The following DAPK2 variants were observed in gnomAD, a reference collection of about 807,000 sequenced individuals.
DAPK2 encodes the protein death associated protein kinase 2, also known as death-associated protein kinase 2.
DAPK2 carries 35 observed loss-of-function variants against 44.1 expected under a neutral mutation model. The observed-to-expected ratio is 0.79, with a 90% CI of 0.61 to 1.05. The LOEUF (loss-of-function observed/expected upper bound fraction) is 1.05. Among genes scored for constraint, DAPK2 ranks in the 50% least tolerant of loss-of-function variants. The pLI is 0.00. For synonymous variants in DAPK2, 174 were observed against 182.6 expected, an observed-to-expected ratio of 0.95 and a Z score of 0.38; for missense variants, 453 against 483.2, an observed-to-expected ratio of 0.94 and a Z score of 0.59.
At chr15:63,985,314 G>C (rs2078639113) in intron 1 of DAPK2, among the ~76,000 whole-genome samples, 1 of 152,268 alleles carries the variant, frequency 6.6e-6, no homozygotes, top group South Asian at 2.1e-4. Context: ...GACGCAGGTG[G>C]AGTGGAGCCA....
chr15:64,006,876 T>G (rs745731036), intron 1 of DAPK2, among the ~76,000 whole-genome samples: 65 of 151,984 alleles, frequency 4.3e-4, no homozygotes, highest in Non-Finnish European at 8.8e-4. Context: ...ATCTAGCAGG[T>G]AGCCAAGAAG....
At chr15:64,042,985 C>T (rs1372399732), upstream of DAPK2, among the ~76,000 whole-genome samples, 1 of 152,222 alleles carries the variant, frequency 6.6e-6, no homozygotes, top group African/African-American at 2.4e-5. This position sits in a 1 kb window ranked among gnomAD's most constrained non-coding sequence, Gnocchi z 4.7. Context: ...CATATTCTGG[C>T]TTATGTTTAT....
rs190645329 is a variant in DAPK2, at chr15:63,958,734, C to A, written c.453+12689G>T. ...CTATATGTCTGTTTTGGTACCAGTA[C>A]CATGCTGTTTTGGTTACTGTAGCAT... is the stretch of plus-strand genomic sequence containing the variant. On this transcript the variant is annotated intron_variant, in intron 3 of 10. Coordinates refer to ENST00000261891, the Ensembl canonical transcript of DAPK2. 5.7e-3 allele frequency among the ~76,000 whole-genome samples: 868 copies of A among 152,278 alleles called. 8 individuals carry two copies. The highest frequency in any genetic ancestry group is 0.019 in the African/African-American group (802 of 41,546).
intron 8 of DAPK2, chr15:63,920,572 T>C (rs1306176002): frequency 1.3e-5 from 2 of 152,192 alleles, no homozygotes; most frequent in African/African-American, 2.4e-5. Context: ...ATATTGTATA[T>C]GATATTTGAA....
At chr15:63,932,165 T>TAAA (rs386383265) in intron 4 of DAPK2, among the ~76,000 whole-genome samples, 2 of 137,054 alleles carry the variant, frequency 1.5e-5, no homozygotes, top group South Asian at 2.3e-4. Context: ...AGACCCTGTT[T>TAAA]AAAAAAAAAA....
chr15:64,014,109 C>T (rs1371533817), intron 1 of DAPK2, among the ~76,000 whole-genome samples: 1 of 152,214 alleles, frequency 6.6e-6, no homozygotes, highest in Non-Finnish European at 1.5e-5. Context: ...CCACGGAGAA[C>T]CTGATCCTTG....
At chr15:63,938,207 C>T (rs777560787) in intron 4 of DAPK2, among the ~76,000 whole-genome samples, 5 of 152,200 alleles carry the variant, frequency 3.3e-5, no homozygotes, top group Non-Finnish European at 2.9e-5. Context: ...ATGGGAAGAG[C>T]ACAGGCTTTG....
Position 64,022,962 on chromosome 15 carries a change from T to C in DAPK2, c.92+17208A>G, listed in dbSNP as rs143738905. On this transcript the variant is annotated intron_variant, in intron 1 of 10. Coordinates refer to ENST00000261891, the Ensembl canonical transcript of DAPK2. ...AGAAATGACTCTTTCCAAACTCCCT[T>C]AGGGTATCTCTGCCAGAAATTTTCT... 4.3e-3 allele frequency among the ~76,000 whole-genome samples: 661 copies of C among 152,252 alleles called. 9 individuals are homozygous for C. Among genetic ancestry groups the C allele is most frequent in the African/African-American group, 0.015 (620 of 41,538 alleles).
chr15:63,937,920 C>T (rs1396334582), intron 4 of DAPK2, among the ~76,000 whole-genome samples: 1 of 152,166 alleles, frequency 6.6e-6, no homozygotes, highest in African/African-American at 2.4e-5. Flanking sequence ...GCTCTGCCAC[C>T]AACTTGTGAC....
rs2078947329 is a variant in DAPK2 at position 63,917,094 on chromosome 15, GGC to G, written c.859-4899_859-4898del. ...AAAGAAAGTCCTGGCTGGGTGCGGTGGCTCATGCCTGTAATCTCAGCACTTCG... is the reference window on the plus strand; with the variant it reads ...AAAGAAAGTCCTGGCTGGGTGCGGTGTCATGCCTGTAATCTCAGCACTTCG... On this transcript the variant is annotated intron_variant, in intron 8 of 10. Transcript: ENST00000261891. The surrounding 1 kb of genome is among the most constrained non-coding windows in gnomAD (Gnocchi z 4.4). 2 of 152,272 alleles carry G rather than the reference GGC, an allele frequency of 1.3e-5. No individual in the cohort carries two copies. Among genetic ancestry groups the G allele is most frequent in the African/African-American group, 4.8e-5 (2 of 41,456 alleles). 9.4% of individuals were successfully genotyped at this position (152,272 alleles called of 1,614,324 possible). A position where few individuals can be genotyped will look rare whatever the true frequency, so the allele number is the denominator to read the frequency against.
intron 3 of DAPK2, among the ~76,000 whole-genome samples, chr15:63,954,112 T>C (rs2077660598): frequency 6.6e-6 from 1 of 152,236 alleles, no homozygotes; most frequent in Non-Finnish European, 1.5e-5. Flanking sequence ...GGGTTGTCTC[T>C]ACTTTGTTGA....
chr15:63,929,809 A>C (rs907092264), intron 5 of DAPK2: 1 of 666,292 alleles, frequency 1.5e-6, no homozygotes, highest in African/African-American at 1.8e-5. Flanking sequence ...TCAAGATCAG[A>C]CTCCTGCACT....
At chr15:63,978,492 C>G (rs1434263562) in intron 2 of DAPK2, among the ~76,000 whole-genome samples, 1 of 152,076 alleles carries the variant, frequency 6.6e-6, no homozygotes, top group Non-Finnish European at 1.5e-5. Flanking sequence ...GGGCAGGAGA[C>G]CTGGTGAGAC....
chr15:63,923,223 C>T lies in DAPK2; in HGVS notation c.858+1593G>A. 1 of 1,535,900 alleles carries T rather than the reference C, an allele frequency of 6.5e-7. No homozygotes were observed. Among genetic ancestry groups the T allele is most frequent in the East Asian group, 2.4e-5 (1 of 40,910 alleles). On this transcript the variant is annotated intron_variant, in intron 8 of 10. Transcript: ENST00000261891. The surrounding 1 kb of genome is among the most constrained non-coding windows in gnomAD (Gnocchi z 4.2). Reference sequence around the variant, plus strand: ...ACACAGGCAAAACGCTCGAAGTTGACATAGGAGTTGTTGGGAGGCATGCTT... The same window carrying T: ...ACACAGGCAAAACGCTCGAAGTTGATATAGGAGTTGTTGGGAGGCATGCTT...
At chr15:63,967,581 C>G (rs1156982447) in intron 3 of DAPK2, among the ~76,000 whole-genome samples, 1 of 152,118 alleles carries the variant, frequency 6.6e-6, no homozygotes, top group Non-Finnish European at 1.5e-5. Flanking sequence ...ATCCCAGCTA[C>G]TAAGGAGGCT....
intron 1 of DAPK2, among the ~76,000 whole-genome samples, chr15:64,021,804 A>G (rs1049028791): frequency 5.3e-5 from 8 of 152,246 alleles, no homozygotes; most frequent in Admixed American, 4.6e-4. Flanking sequence ...TTGAGAGCTA[A>G]GTACAATTAG....
rs1327783125 is a variant in DAPK2 at position 64,036,204 on chromosome 15, TGAGCCGA to T, written c.92+3959_92+3965del. On this transcript the variant is annotated intron_variant, in intron 1 of 10. Transcript: ENST00000261891. Reference sequence around the variant, plus strand: ...TGAACCTGGGAGATGGAGGTTGCAGTGAGCCGAGATCTCACCACTGCACTCCAACCTG... The same window carrying T: ...TGAACCTGGGAGATGGAGGTTGCAGTGATCTCACCACTGCACTCCAACCTG... Among the ~76,000 whole-genome samples, 4 of 145,520 alleles carry T rather than the reference TGAGCCGA, an allele frequency of 2.7e-5. No individual in the cohort carries two copies. In the Admixed American group the frequency reaches 2.8e-4, roughly 10 times the overall value.
At chr15:63,936,949 C>T (rs2077173576) in intron 4 of DAPK2, among the ~76,000 whole-genome samples, 1 of 147,434 alleles carries the variant, frequency 6.8e-6, no homozygotes, top group Admixed American at 6.9e-5. Context: ...CACTGCACTC[C>T]AGCCTGGGTG....
At chr15:63,934,853 C>A (rs1006945652) in intron 4 of DAPK2, among the ~76,000 whole-genome samples, 4 of 152,198 alleles carry the variant, frequency 2.6e-5, no homozygotes, top group African/African-American at 9.7e-5. Flanking sequence ...AGTCACTACG[C>A]CCAGCCATCA....
Sources: allele counts gnomAD v4.1 joint callset (sites outside exome capture counted in the v4.1 genomes callset), GRCh38; gene constraint gnomAD v4.1.1; non-coding constraint Gnocchi (gnomAD v3.1); transcripts MANE v1.5; gene names NCBI Gene and HGNC (gene_info 2026-07-23, HGNC 2026-07-21).